SPATA33: variants seen among roughly 807,000 people sequenced by gnomAD.
SPATA33 encodes the protein spermatogenesis associated 33.
A neutral mutation model predicts 8.9 loss-of-function variants in SPATA33; 10 were observed. The observed-to-expected ratio is 1.12, with a 90% confidence interval of 0.69 to 1.90. The LOEUF (loss-of-function observed/expected upper bound fraction) is 1.90, where lower values mean the gene tolerates loss of function less well. Ranked by LOEUF, SPATA33 falls within the 40% of genes most tolerant of loss-of-function variation. SPATA33 has a pLI of 0.00. For missense variants in SPATA33, 241 were observed against 178.3 expected (o/e 1.35, Z -2.00); for synonymous variants, 96 against 72.8 (o/e 1.32, Z -1.63).
At chr16:89,663,061 G>T (rs543326913) in intron 2 of SPATA33, among the ~76,000 whole-genome samples, 4 of 151,968 alleles carry the variant, frequency 2.6e-5, no homozygotes, top group Non-Finnish European at 5.9e-5. Flanking sequence ...CAAAGTGCCA[G>T]TGTTACAGGT....
chr16:89,660,669 G>T, intron 2 of SPATA33: 1 of 871,764 alleles, frequency 1.1e-6, no homozygotes, highest in Non-Finnish European at 1.5e-6. Context: ...CCCTTTCCAT[G>T]GAATGTCCAG....
At chr16:89,663,294 C>A (rs1401160972) in intron 2 of SPATA33, among the ~76,000 whole-genome samples, 3 of 149,268 alleles carry the variant, frequency 2.0e-5, no homozygotes, top group African/African-American at 7.4e-5. Flanking sequence ...TGGCTCACTG[C>A]AACCTTGGTC....
At chr16:89,659,955 G>C (rs2059943677) in intron 2 of SPATA33, 1 of 152,266 alleles carries the variant, frequency 6.6e-6, no homozygotes, top group African/African-American at 2.4e-5. Flanking sequence ...AACCCTGCAG[G>C]AATAGCATCA....
intron 2 of SPATA33, among the ~76,000 whole-genome samples, chr16:89,668,755 C>A (rs28578383): frequency 6.6e-6 from 1 of 152,250 alleles, no homozygotes; most frequent in Admixed American, 6.5e-5. Flanking sequence ...TGAAGGAGCA[C>A]TTTTGCTTTG....
At position 89,666,612 on chromosome 16, in the gene SPATA33, G is replaced by T. The variant is rs564887146; in HGVS notation, c.212-2674G>T. 1.2e-3 allele frequency among the ~76,000 whole-genome samples: 180 copies of T among 152,276 alleles called. 1 individual carries two copies. The highest frequency in any genetic ancestry group is 4.0e-3 in the African/African-American group (167 of 41,556). On this transcript the variant is annotated intron_variant, in intron 2 of 2. Coordinates refer to ENST00000579310, the MANE Select transcript of SPATA33 (RefSeq NM_001271907.2). Reference sequence around the variant, plus strand: ...GAGAGCGTAGAAATAAAGACACAAGGCAAAGAGATAAAAGACAGCTGGGCC... The same window carrying T: ...GAGAGCGTAGAAATAAAGACACAAGTCAAAGAGATAAAAGACAGCTGGGCC...
intron 2 of SPATA33, among the ~76,000 whole-genome samples, chr16:89,667,643 A>G (rs756054804): frequency 1.1e-4 from 16 of 152,160 alleles, no homozygotes; most frequent in South Asian, 6.2e-4. Flanking sequence ...AGCCTGGGCC[A>G]CAGACCTTCA....
intron 2 of SPATA33, among the ~76,000 whole-genome samples, chr16:89,665,479 T>C (rs1275656542): frequency 7.9e-6 from 1 of 127,134 alleles, no homozygotes; most frequent in East Asian, 2.0e-4. Flanking sequence ...TAATTTTTTG[T>C]ATTTTTTTTT....
intron 2 of SPATA33, among the ~76,000 whole-genome samples, chr16:89,664,108 G>T (rs556362993): frequency 1.3e-5 from 2 of 152,104 alleles, no homozygotes; most frequent in African/African-American, 4.8e-5. Flanking sequence ...GACAGAGTAA[G>T]ACCCTATTTA....
chr16:89,660,557 G>A (rs773498492), intron 2 of SPATA33: 124 of 1,231,610 alleles, frequency 1.0e-4, no homozygotes, highest in Non-Finnish European at 1.3e-4. Flanking sequence ...CTGAGCGACA[G>A]TGAGGAGCAG....
intron 2 of SPATA33, among the ~76,000 whole-genome samples, chr16:89,668,382 G>A (rs2151534910): frequency 6.6e-6 from 1 of 152,340 alleles, no homozygotes; most frequent in East Asian, 1.9e-4. Context: ...CTCGCATCCA[G>A]GTTCGTGAGC....
intron 2 of SPATA33, among the ~76,000 whole-genome samples, chr16:89,665,935 C>T (rs531172165): frequency 6.6e-6 from 1 of 152,114 alleles, no homozygotes; most frequent in South Asian, 2.1e-4. Context: ...CAAAAATTAG[C>T]TAGGCGTGGT....
chr16:89,658,658 G>A, intron 2 of SPATA33: 1 of 579,222 alleles, frequency 1.7e-6, no homozygotes, highest in Non-Finnish European at 3.0e-6. Context: ...TGCGTACCAG[G>A]TGGTCGAGGG....
At chr16:89,668,476 T>TA (rs2060055149) in intron 2 of SPATA33, among the ~76,000 whole-genome samples, 1 of 43,452 alleles carries the variant, frequency 2.3e-5, no homozygotes, top group Non-Finnish European at 7.3e-5. Flanking sequence ...CTTCTAACCC[T>TA]GACCACACAT....
intron 2 of SPATA33, among the ~76,000 whole-genome samples, chr16:89,662,313 A>G (rs923311698): frequency 6.6e-6 from 1 of 151,586 alleles, no homozygotes; most frequent in Non-Finnish European, 1.5e-5. Flanking sequence ...AAAGATACTC[A>G]GGAAAAAAAC....
At chr16:89,658,029 G>T (rs779651553) in intron 1 of SPATA33, 81 bp downstream of exon 1, 11 of 1,467,102 alleles carry the variant, frequency 7.5e-6, no homozygotes, top group Non-Finnish European at 9.8e-6. Flanking sequence ...TGGGCGGGGC[G>T]GTGTGAGCGC....
chr16:89,658,112 A>C (rs2059907085), intron 1 of SPATA33, 136 bp from the exon 2 acceptor site: 1 of 1,504,394 alleles, frequency 6.6e-7, no homozygotes, highest in Non-Finnish European at 8.8e-7. Context: ...TTCCCGCCTG[A>C]GGCGGTTACG....
At chr16:89,664,695 G>A (rs2060003246) in intron 2 of SPATA33, among the ~76,000 whole-genome samples, 1 of 152,102 alleles carries the variant, frequency 6.6e-6, no homozygotes, top group Non-Finnish European at 1.5e-5. Context: ...AAGCCAGACA[G>A]TAAAAGTGTC....
rs546618376 is a variant in SPATA33, at chr16:89,669,574, C to T, written c.*77C>T. 208 of 1,456,770 alleles carry T rather than the reference C, an allele frequency of 1.4e-4. No homozygotes were observed. The highest frequency in any genetic ancestry group is 7.3e-4 in the Middle Eastern group (3 of 4,104). 90.2% of individuals were successfully genotyped at this position (1,456,770 alleles called of 1,614,324 possible). A position where few individuals can be genotyped will look rare whatever the true frequency, so the allele number is the denominator to read the frequency against. ...ACAGCCGCCTCACCCTGTGAGAAGC[C>T]GAGGCCCCTTCTCCAGTGCTCTCGG... On this transcript the variant is annotated 3_prime_UTR_variant, in exon 3 of 3. Transcript: ENST00000579310.
At chr16:89,658,812 G>A (rs566435161) in intron 2 of SPATA33, 13 of 244,298 alleles carry the variant, frequency 5.3e-5, no homozygotes, top group African/African-American at 2.8e-4. Context: ...TCCGAGGGCT[G>A]TGGGGATAAG....
Sources: gnomAD v4.1 joint callset for allele counts (sites outside exome capture counted in the v4.1 genomes callset) on GRCh38, gnomAD v4.1.1 for gene constraint, MANE v1.5 for transcripts, NCBI Gene and HGNC (gene_info 2026-07-23, HGNC 2026-07-21) for gene names.